The following SNX29 variants were observed in gnomAD, a reference collection of about 807,000 sequenced individuals.
SNX29 encodes the protein sorting nexin-29.
SNX29 carries 78 observed loss-of-function variants against 102.1 expected under a neutral mutation model. That is an observed-to-expected ratio of 0.76 (90% CI 0.64 to 0.92). The LOEUF (loss-of-function observed/expected upper bound fraction) is 0.92. SNX29 is among the 40% of genes least tolerant of loss of function. SNX29 has a pLI of 0.00. For synonymous variants in SNX29, 580 were observed against 414.5 expected, an observed-to-expected ratio of 1.40 and a Z score of -4.85; for missense variants, 1,280 against 1,061.7, an observed-to-expected ratio of 1.21 and a Z score of -2.86.
At chr16:12,174,005 C>T (rs570715941) in intron 13 of SNX29, among the ~76,000 whole-genome samples, 23 of 152,342 alleles carry the variant, frequency 1.5e-4, no homozygotes, top group African/African-American at 4.3e-4. Flanking sequence ...GTTTCGAAAT[C>T]TTGACCTTAA....
At chr16:12,066,079 G>C (rs2051022988) in intron 9 of SNX29, among the ~76,000 whole-genome samples, 1 of 152,166 alleles carries the variant, frequency 6.6e-6, no homozygotes, top group South Asian at 2.1e-4. Flanking sequence ...GGGACCGTGT[G>C]GACATTGTAT....
intron 18 of SNX29, among the ~76,000 whole-genome samples, chr16:12,444,834 TTTTTTTTG>T (rs1251457104): frequency 2.5e-5 from 2 of 81,256 alleles, no homozygotes; most frequent in African/African-American, 1.9e-4. Context: ...TCGACAGTGT[TTTTTTTTG>T]TTTTTTTTTT....
intron 20 of SNX29, among the ~76,000 whole-genome samples, chr16:12,555,944 A>G (rs1359241872): frequency 1.3e-5 from 2 of 151,922 alleles, no homozygotes; most frequent in African/African-American, 2.4e-5. Flanking sequence ...TGTTTACATC[A>G]CACCAACTTG....
intron 14 of SNX29, among the ~76,000 whole-genome samples, chr16:12,252,778 G>A (rs2142397883): frequency 6.6e-6 from 1 of 152,344 alleles, no homozygotes; most frequent in South Asian, 2.1e-4. Flanking sequence ...GGGGCTCTGG[G>A]CACCCAGCCA....
intron 19 of SNX29, among the ~76,000 whole-genome samples, chr16:12,496,650 A>G (rs555788681): frequency 1.3e-5 from 2 of 151,772 alleles, no homozygotes; most frequent in Admixed American, 1.3e-4. Context: ...TGCTAGGATT[A>G]CAGGCACCTG....
Position 12,244,076 on chromosome 16 carries a change from A to G in SNX29, c.1679-33857A>G, listed in dbSNP as rs932132206. ...CTCAGCCTAGATCCCATGGGTGCGC[A>G]GCTCACAATACGGTTCATGCACCTC... On this transcript the variant is annotated intron_variant, in intron 14 of 20. Transcript: ENST00000566228. Among the ~76,000 whole-genome samples the G allele has an allele frequency of 5.3e-5, 8 of 152,174 alleles. No individual in the cohort carries two copies. The East Asian group carries it at 1.5e-3, about 29-fold the overall frequency.
At chr16:12,482,205 C>T (rs1325002315) in intron 19 of SNX29, among the ~76,000 whole-genome samples, 2 of 152,216 alleles carry the variant, frequency 1.3e-5, no homozygotes, top group South Asian at 2.1e-4. Flanking sequence ...TCCGCCTGGA[C>T]CATTGTGGCA....
At chr16:12,552,246 G>C (rs1412633811) in intron 20 of SNX29, among the ~76,000 whole-genome samples, 1 of 147,284 alleles carries the variant, frequency 6.8e-6, no homozygotes, top group African/African-American at 2.4e-5. Flanking sequence ...CCCCAGCTTT[G>C]CCTCCTAGGG....
Position 12,168,879 on chromosome 16 carries a change from T to C in SNX29, c.1596-30722T>C, listed in dbSNP as rs1438955881. Among the ~76,000 whole-genome samples, 4 of 152,230 alleles carry C rather than the reference T, an allele frequency of 2.6e-5. 1 individual carries two copies. ...GAGTTCTTTGCATGCCGGTTTCTTC[T>C]TGCCCCAGATCATCCGGAGAGAGGG... On this transcript the variant is annotated intron_variant, in intron 13 of 20. Transcript: ENST00000566228.
At chr16:11,988,023 G>A (rs555159537) in intron 1 of SNX29, among the ~76,000 whole-genome samples, 89 of 152,258 alleles carry the variant, frequency 5.8e-4, no homozygotes, top group African/African-American at 2.1e-3. Flanking sequence ...GCTGGGTACG[G>A]TGGCTCATGC....
intron 13 of SNX29, among the ~76,000 whole-genome samples, chr16:12,158,760 C>G (rs2055660920): frequency 6.6e-6 from 1 of 152,228 alleles, no homozygotes; most frequent in African/African-American, 2.4e-5. Flanking sequence ...GCCGTGTGAC[C>G]TCAGGCAACT....
intron 15 of SNX29, among the ~76,000 whole-genome samples, chr16:12,282,082 T>TC (rs1465044566): frequency 3.5e-4 from 8 of 22,878 alleles, no homozygotes; most frequent in Non-Finnish European, 6.4e-4. Context: ...AGACTCCATC[T>TC]CAAAAAAAAA....
chr16:11,990,088 C>A (rs1297810310), intron 1 of SNX29, among the ~76,000 whole-genome samples: 3 of 152,192 alleles, frequency 2.0e-5, no homozygotes. Flanking sequence ...GTTTGTTTCA[C>A]CAGGGCGGCC....
intron 15 of SNX29, among the ~76,000 whole-genome samples, chr16:12,282,684 T>A (rs112314321): frequency 0.031 from 4,720 of 152,252 alleles, 236 homozygotes; most frequent in African/African-American, 0.11. Flanking sequence ...AGATGGAGTT[T>A]TGCTCTTTTT....
intron 15 of SNX29, among the ~76,000 whole-genome samples, chr16:12,281,365 T>G (rs893166222): frequency 2.0e-5 from 3 of 152,214 alleles, no homozygotes; most frequent in Non-Finnish European, 4.4e-5. Context: ...TACACATTTG[T>G]GCTTGGTGAC....
At chr16:12,479,127 A>G (rs1187908335) in intron 19 of SNX29, among the ~76,000 whole-genome samples, 1 of 152,200 alleles carries the variant, frequency 6.6e-6, no homozygotes, top group Non-Finnish European at 1.5e-5. Flanking sequence ...CTCACCGTAG[A>G]CATGCTGATT....
chr16:12,323,406 A>G (rs1341575613), intron 15 of SNX29, among the ~76,000 whole-genome samples: 1 of 152,184 alleles, frequency 6.6e-6, no homozygotes, highest in Non-Finnish European at 1.5e-5. Context: ...TCATTTGTAA[A>G]GAAAACGAGC....
intron 20 of SNX29, among the ~76,000 whole-genome samples, chr16:12,556,706 C>T (rs74590753): frequency 0.015 from 2,213 of 152,220 alleles, 54 homozygotes; most frequent in South Asian, 0.11. Context: ...AGCCAAAGGC[C>T]AGTGGGTCTT....
rs190596482 is a variant in SNX29, at chr16:12,567,227, A to G, written c.2319-1279A>G. On this transcript the variant is annotated intron_variant, in intron 20 of 20. Transcript: ENST00000566228. ...GTCCTTTCTAAACCACAGATAAGGC[A>G]GAGCTAGCTGTGGACACAGTCCTGT... Among the ~76,000 whole-genome samples, 95 of 152,210 alleles carry G rather than the reference A, an allele frequency of 6.2e-4. 1 individual carries two copies. Among genetic ancestry groups the G allele is most frequent in the African/African-American group, 2.2e-3 (90 of 41,442 alleles).
Sources: allele counts gnomAD v4.1 joint callset (sites outside exome capture counted in the v4.1 genomes callset), GRCh38; gene constraint gnomAD v4.1.1; transcripts MANE v1.5; gene names NCBI Gene and HGNC (gene_info 2026-07-23, HGNC 2026-07-21).